The following NPAS3 variants were observed in gnomAD, a reference collection of about 807,000 sequenced individuals.
NPAS3 encodes the protein neuronal PAS domain-containing protein 3.
A neutral mutation model predicts 73.1 loss-of-function variants in NPAS3; 14 were observed. The ratio of observed to expected loss-of-function variants is 0.19; its 90% CI spans 0.13 to 0.30. The LOEUF (loss-of-function observed/expected upper bound fraction) is 0.30, where lower values mean the gene tolerates loss of function less well. Among genes scored for constraint, NPAS3 ranks in the 10% least tolerant of loss-of-function variants. The pLI is 1.00. For missense variants in NPAS3, 1,096 were observed against 1,250.0 expected (o/e 0.88, Z 1.86); for synonymous variants, 620 against 541.5 (o/e 1.14, Z -2.01).
intron 2 of NPAS3, among the ~76,000 whole-genome samples, chr14:33,060,974 C>T (rs924513408): frequency 1.3e-5 from 2 of 152,070 alleles, no homozygotes; most frequent in African/African-American, 2.4e-5. Context: ...GGCCAAGAAG[C>T]GTGGATTTGG....
chr14:33,789,917 A>G (rs1385880043), intron 9 of NPAS3, among the ~76,000 whole-genome samples: 1 of 152,202 alleles, frequency 6.6e-6, no homozygotes, highest in African/African-American at 2.4e-5. Flanking sequence ...ACATAATTCT[A>G]GAGATGCTTT....
chr14:32,976,222 G>A (rs552868894), intron 1 of NPAS3, among the ~76,000 whole-genome samples: 8 of 152,206 alleles, frequency 5.3e-5, no homozygotes, highest in South Asian at 4.1e-4. Flanking sequence ...GCCAGTGAGC[G>A]AGGTGGTGGG....
intron 3 of NPAS3, among the ~76,000 whole-genome samples, chr14:33,329,122 A>G (rs928704547): frequency 2.0e-5 from 3 of 152,162 alleles, no homozygotes; most frequent in Non-Finnish European, 4.4e-5. Flanking sequence ...ATGTTTTGCT[A>G]CTTGCCTTAT....
At chr14:33,235,687 G>A (rs960596192) in intron 3 of NPAS3, among the ~76,000 whole-genome samples, 6 of 151,378 alleles carry the variant, frequency 4.0e-5, no homozygotes, top group African/African-American at 1.2e-4. Context: ...TGTTCAGGAG[G>A]AAATAAAAAC....
At chr14:33,186,503 T>C (rs1413287555) in intron 2 of NPAS3, among the ~76,000 whole-genome samples, 1 of 152,218 alleles carries the variant, frequency 6.6e-6, no homozygotes, top group Non-Finnish European at 1.5e-5. Context: ...AGTTTGAATA[T>C]CCAAATGATC....
intron 2 of NPAS3, among the ~76,000 whole-genome samples, chr14:33,195,172 ACAG>A (rs974646625): frequency 1.3e-5 from 2 of 152,082 alleles, no homozygotes; most frequent in Non-Finnish European, 2.9e-5. Context: ...TAGAGAGTAA[ACAG>A]GCATACTTAA....
intron 1 of NPAS3, among the ~76,000 whole-genome samples, chr14:33,024,740 C>T (rs2039740739): frequency 6.6e-6 from 1 of 152,188 alleles, no homozygotes; most frequent in Non-Finnish European, 1.5e-5. Flanking sequence ...AAAATGTTCA[C>T]ATAGGCTAAT....
upstream of NPAS3, among the ~76,000 whole-genome samples, chr14:32,938,525 A>AC: frequency 1.5e-5 from 1 of 66,258 alleles, no homozygotes; most frequent in South Asian, 5.6e-4. Context: ...GAGAGAGAGA[A>AC]GGGGGGGGAG....
intron 1 of NPAS3, among the ~76,000 whole-genome samples, chr14:32,999,778 GT>G (rs147420414): frequency 0.02 from 3,090 of 152,090 alleles, 72 homozygotes; most frequent in African/African-American, 0.057. Context: ...ACTCTTACAT[GT>G]TTTTTTCCCC....
chr14:33,520,322 C>T (rs1026051889), intron 4 of NPAS3, among the ~76,000 whole-genome samples: 3 of 152,156 alleles, frequency 2.0e-5, no homozygotes, highest in East Asian at 1.9e-4. Context: ...CGCTTTGAGA[C>T]GAAATAGGGT....
chr14:33,699,907 C>A (rs2060482957), intron 6 of NPAS3, among the ~76,000 whole-genome samples: 1 of 152,094 alleles, frequency 6.6e-6, no homozygotes, highest in African/African-American at 2.4e-5. Flanking sequence ...AGCTTAACAT[C>A]ATTAAACCCA....
intron 2 of NPAS3, among the ~76,000 whole-genome samples, chr14:33,136,511 G>A (rs779342162): frequency 1.3e-5 from 2 of 152,174 alleles, no homozygotes; most frequent in Admixed American, 6.5e-5. Flanking sequence ...AATAATGACA[G>A]TAACTCAGTT....
rs139842568 is a variant in NPAS3 at position 33,606,071 on chromosome 14, T to TTTA, written c.558+45882_558+45884dup. ...CACATTTATAGGCAGCTGACTTTCT[T>TTTA]TTATTATTATTATTATTATTATTTA... On this transcript the variant is annotated intron_variant, in intron 5 of 11. Transcript: ENST00000356141. Among the ~76,000 whole-genome samples, 2,407 of 151,060 alleles carry TTTA rather than the reference T, an allele frequency of 0.016. 100 individuals are homozygous for TTTA. In the East Asian group the frequency reaches 0.19, roughly 12 times the overall value.
chr14:33,596,688 G>T (rs1023151880), intron 5 of NPAS3, among the ~76,000 whole-genome samples: 1 of 152,200 alleles, frequency 6.6e-6, no homozygotes, highest in African/African-American at 2.4e-5. Context: ...CAATGCACTT[G>T]CTGAGAAGTG....
chr14:33,733,650 T>C (rs535654254), intron 6 of NPAS3, among the ~76,000 whole-genome samples: 1 of 152,154 alleles, frequency 6.6e-6, no homozygotes, highest in African/African-American at 2.4e-5. Context: ...ATGAGAAAAA[T>C]TTCATAGTAA....
chr14:33,801,883 G>C (rs1030424208), downstream of NPAS3: 6 of 151,874 alleles, frequency 4.0e-5, no homozygotes, highest in African/African-American at 1.5e-4. Context: ...AATGTGTTCT[G>C]TCCTGGTCTG....
intron 5 of NPAS3, among the ~76,000 whole-genome samples, chr14:33,635,020 A>T (rs2058476664): frequency 6.6e-6 from 1 of 152,246 alleles, no homozygotes; most frequent in Admixed American, 6.5e-5. Flanking sequence ...CAAGTTTGAG[A>T]AGCACTGGTT....
intron 6 of NPAS3, among the ~76,000 whole-genome samples, chr14:33,679,139 A>G (rs2059859424): frequency 6.6e-6 from 1 of 152,040 alleles, no homozygotes; most frequent in Non-Finnish European, 1.5e-5. Flanking sequence ...CTTCCACATC[A>G]CTTGACTTGG....
chr14:33,316,498 T>C (rs41355251), intron 3 of NPAS3, among the ~76,000 whole-genome samples: 3,946 of 152,160 alleles, frequency 0.026, 160 homozygotes, highest in African/African-American at 0.089. Context: ...TCTTGAGATA[T>C]TACTTCTAAG....
Sources: gnomAD v4.1 joint callset for allele counts (sites outside exome capture counted in the v4.1 genomes callset) on GRCh38, gnomAD v4.1.1 for gene constraint, MANE v1.5 for transcripts, NCBI Gene and HGNC (gene_info 2026-07-23, HGNC 2026-07-21) for gene names.